The following SSBP2 variants were observed in gnomAD, a reference collection of about 807,000 sequenced individuals.
The protein encoded by SSBP2 is single stranded DNA binding protein 2, also known as single-stranded DNA-binding protein 2.
In SSBP2, 17 loss-of-function variants were observed where a neutral mutation model predicts 61.8. The ratio of observed to expected loss-of-function variants is 0.28; its 90% confidence interval spans 0.19 to 0.41. The LOEUF (loss-of-function observed/expected upper bound fraction) is 0.41. Ranked by LOEUF, SSBP2 falls within the 10% of genes least tolerant of loss-of-function variation. The probability of loss-of-function intolerance (pLI) is 1.00; values close to 1 mark genes in which losing one functional copy is unlikely to be tolerated. For missense variants in SSBP2, 310 were observed against 458.7 expected, an observed-to-expected ratio of 0.68 and a Z score of 2.96; for synonymous variants, 139 against 141.3, an observed-to-expected ratio of 0.98 and a Z score of 0.12.
At chr5:81,523,254 A>G (rs553014994) in intron 4 of SSBP2, among the ~76,000 whole-genome samples, 8 of 152,096 alleles carry the variant, frequency 5.3e-5, no homozygotes, top group Non-Finnish European at 1.0e-4. Flanking sequence ...AATTTCATTA[A>G]AAGTATTAAA....
At chr5:81,685,216 C>A (rs1185141673) in intron 1 of SSBP2, among the ~76,000 whole-genome samples, 48 of 152,136 alleles carry the variant, frequency 3.2e-4, no homozygotes, top group Admixed American at 3.1e-3. Context: ...TCAATTAAAT[C>A]TCTTCTCTTC....
chr5:81,639,605 C>G (rs899786150), intron 2 of SSBP2, among the ~76,000 whole-genome samples: 1 of 151,356 alleles, frequency 6.6e-6, no homozygotes, highest in African/African-American at 2.4e-5. Flanking sequence ...ACTTTAAATA[C>G]GGAGATCCAG....
rs1431489450 is a variant in SSBP2 at position 81,448,642 on chromosome 5, T to C, written c.723+148A>G. On this transcript the variant is annotated intron_variant, in intron 11 of 16. Coordinates refer to ENST00000320672, the MANE Select transcript of SSBP2 (RefSeq NM_012446.5). ...TGTTTCACTAATGAACATCAACATA[T>C]GTACTGAGGTTGGCAGATGAAACAA... is the stretch of plus-strand genomic sequence containing the variant. 5 of 728,178 alleles carry C rather than the reference T, an allele frequency of 6.9e-6. No homozygotes were observed. The Admixed American group carries it at 7.6e-5, about 11-fold the overall frequency. The allele number at this position is 728,178 out of a possible 1,614,324, so 45.1% of individuals were successfully genotyped here.
intron 4 of SSBP2, among the ~76,000 whole-genome samples, chr5:81,606,020 T>C (rs955760444): frequency 6.6e-6 from 1 of 152,162 alleles, no homozygotes; most frequent in African/African-American, 2.4e-5. Flanking sequence ...GCATGAATCA[T>C]TTTATTCTGG....
intron 4 of SSBP2, among the ~76,000 whole-genome samples, chr5:81,561,968 A>C (rs1773073406): frequency 6.6e-6 from 1 of 152,130 alleles, no homozygotes; most frequent in African/African-American, 2.4e-5. Context: ...GCAATGGCAC[A>C]ATCTTGGCTC....
intron 3 of SSBP2, among the ~76,000 whole-genome samples, chr5:81,630,566 G>C (rs1747606077): frequency 6.6e-6 from 1 of 152,068 alleles, no homozygotes; most frequent in Non-Finnish European, 1.5e-5. Context: ...GCATGTACTA[G>C]ATTTAAACTG....
At chr5:81,675,889 A>G (rs1294028382) in intron 1 of SSBP2, among the ~76,000 whole-genome samples, 1 of 152,230 alleles carries the variant, frequency 6.6e-6, no homozygotes, top group South Asian at 2.1e-4. Flanking sequence ...GACCTAAAAT[A>G]TCAACATTCC....
At chr5:81,688,339 G>A (rs975955869) in intron 1 of SSBP2, among the ~76,000 whole-genome samples, 1 of 152,228 alleles carries the variant, frequency 6.6e-6, no homozygotes, top group Non-Finnish European at 1.5e-5. Context: ...CCCAGGACCA[G>A]GGGAAACTTG....
intron 1 of SSBP2, among the ~76,000 whole-genome samples, chr5:81,727,723 T>C (rs745671225): frequency 3.9e-5 from 6 of 152,218 alleles, no homozygotes; most frequent in Non-Finnish European, 8.8e-5. Flanking sequence ...CATTCAACAT[T>C]TGCTCATTCA....
chr5:81,732,037 T>C (rs1756301824), intron 1 of SSBP2, among the ~76,000 whole-genome samples: 1 of 152,082 alleles, frequency 6.6e-6, no homozygotes, highest in Non-Finnish European at 1.5e-5. Flanking sequence ...CGAGGTTACC[T>C]CTAATATCAT....
chr5:81,719,565 A>G (rs916963299), intron 1 of SSBP2, among the ~76,000 whole-genome samples: 8 of 152,196 alleles, frequency 5.3e-5, no homozygotes, highest in African/African-American at 1.9e-4. Flanking sequence ...AGGCTGGCTC[A>G]CGTCTTAAAA....
chr5:81,555,453 T>C (rs1388624157), intron 4 of SSBP2, among the ~76,000 whole-genome samples: 2 of 152,060 alleles, frequency 1.3e-5, no homozygotes, highest in East Asian at 3.8e-4. Flanking sequence ...ACCAAATGTG[T>C]CCTTAGTGGC....
intron 1 of SSBP2, among the ~76,000 whole-genome samples, chr5:81,653,333 T>A (rs1289476191): frequency 6.6e-6 from 1 of 152,326 alleles, no homozygotes; most frequent in Middle Eastern, 3.4e-3. Context: ...ACATTTTCTT[T>A]ATCCAGTCTA....
chr5:81,485,727 T>A (rs1253221767), intron 6 of SSBP2, among the ~76,000 whole-genome samples: 1 of 152,162 alleles, frequency 6.6e-6, no homozygotes, highest in African/African-American at 2.4e-5. Context: ...CCCAGGCTGA[T>A]CTCAAACTCC....
chr5:81,737,698 G>A (rs1462993503), intron 1 of SSBP2, among the ~76,000 whole-genome samples: 2 of 148,658 alleles, frequency 1.3e-5, no homozygotes, highest in Non-Finnish European at 3.0e-5. Context: ...TGAGGCAGGA[G>A]AATGGCATGA....
At chr5:81,640,198 G>A (rs1748648911) in intron 2 of SSBP2, among the ~76,000 whole-genome samples, 1 of 152,118 alleles carries the variant, frequency 6.6e-6, no homozygotes, top group South Asian at 2.1e-4. Context: ...AAATTAGCCA[G>A]GCATGGTGGT....
At chr5:81,606,354 C>T (rs756946889) in intron 4 of SSBP2, among the ~76,000 whole-genome samples, 1 of 152,112 alleles carries the variant, frequency 6.6e-6, no homozygotes, top group African/African-American at 2.4e-5. Flanking sequence ...AAAGTGCCCT[C>T]CCATTCATTG....
intron 1 of SSBP2, among the ~76,000 whole-genome samples, chr5:81,658,101 A>G (rs1383504355): frequency 6.6e-6 from 1 of 152,140 alleles, no homozygotes; most frequent in Non-Finnish European, 1.5e-5. Context: ...CAAATATATA[A>G]AACATTGTTA....
chr5:81,426,505 C>T (rs1482806242), intron 16 of SSBP2, among the ~76,000 whole-genome samples: 2 of 152,178 alleles, frequency 1.3e-5, no homozygotes, highest in African/African-American at 2.4e-5. Context: ...GCATTGAACC[C>T]GCTTAAGTTC....
Sources: gnomAD v4.1 joint callset for allele counts (sites outside exome capture counted in the v4.1 genomes callset) on GRCh38, gnomAD v4.1.1 for gene constraint, MANE v1.5 for transcripts, NCBI Gene and HGNC (gene_info 2026-07-23, HGNC 2026-07-21) for gene names.